Variants in EIF4E observed in about 807,000 individuals in gnomAD.
EIF4E encodes the protein eIF-4F 25 kDa subunit.
For synonymous variants in EIF4E, 71 were observed against 88.5 expected, an observed-to-expected ratio of 0.80 and a Z score of 1.11; for missense variants, 113 against 265.6, an observed-to-expected ratio of 0.43 and a Z score of 3.99.
intron 1 of EIF4E, among the ~76,000 whole-genome samples, chr4:98,917,583 T>TA (rs905020131): frequency 1.3e-5 from 2 of 151,934 alleles, no homozygotes; most frequent in African/African-American, 4.8e-5. Context: ...TTTTCAAAAC[T>TA]AAACAACACA....
chr4:98,914,275 G>C (rs537252774), intron 1 of EIF4E, among the ~76,000 whole-genome samples: 6 of 132,402 alleles, frequency 4.5e-5, no homozygotes, highest in Non-Finnish European at 9.2e-5. Flanking sequence ...AGAATCACTT[G>C]AACCCAGGAG....
chr4:98,911,554 G>A (rs1364487105), intron 1 of EIF4E, among the ~76,000 whole-genome samples: 4 of 149,210 alleles, frequency 2.7e-5, no homozygotes, highest in East Asian at 4.0e-4. Context: ...CCAGCTACTC[G>A]GGAAGCTGAG....
intron 1 of EIF4E, among the ~76,000 whole-genome samples, chr4:98,916,083 C>T (rs111663012): frequency 0.068 from 10,234 of 151,286 alleles, 1,126 homozygotes; most frequent in African/African-American, 0.23. Context: ...CCCAGCTACT[C>T]GAGAGGCTGA....
At chr4:98,924,733 C>G (rs1159827476) in intron 1 of EIF4E, among the ~76,000 whole-genome samples, 1 of 152,122 alleles carries the variant, frequency 6.6e-6, no homozygotes, top group Non-Finnish European at 1.5e-5. Flanking sequence ...GCTGGGATTA[C>G]AGGCGCCTGC....
At chr4:98,881,836 C>T (rs1579144549) in intron 6 of EIF4E, among the ~76,000 whole-genome samples, 1 of 152,144 alleles carries the variant, frequency 6.6e-6, no homozygotes. Context: ...TAAAATGGCA[C>T]TTGTCATGAG....
At chr4:98,890,774 A>T (rs1724113572) in intron 3 of EIF4E, 1 of 167,012 alleles carries the variant, frequency 6.0e-6, no homozygotes, top group Non-Finnish European at 1.3e-5. Flanking sequence ...ATCATGATAG[A>T]TACTGGCATT....
Position 98,898,897 on chromosome 4 carries a change from T to G in EIF4E, c.125+2979A>C, listed in dbSNP as rs78732354. Among the ~76,000 whole-genome samples the G allele has an allele frequency of 4.1e-3, 622 of 151,978 alleles. 4 individuals carry two copies. Among genetic ancestry groups the G allele is most frequent in the African/African-American group, 0.014 (594 of 41,484 alleles). ...AATACTTGAGTACTGCTGATTTAAA[T>G]AAAATATCATACATCCACGCAAGTG... On this transcript the variant is annotated intron_variant, in intron 2 of 6. Coordinates refer to ENST00000450253, the MANE Select transcript of EIF4E (RefSeq NM_001968.5).
intron 5 of EIF4E, among the ~76,000 whole-genome samples, chr4:98,885,517 A>C (rs1052937074): frequency 6.6e-6 from 1 of 152,084 alleles, no homozygotes; most frequent in African/African-American, 2.4e-5. Context: ...GGATCATCAC[A>C]GCTCACTGCA....
In EIF4E at chr4:98,881,496, T is replaced by C. The variant is rs1723691064; in HGVS notation, c.540-354A>G. Among the ~76,000 whole-genome samples the C allele has an allele frequency of 4.6e-5, 7 of 152,132 alleles. 1 individual carries two copies. The highest frequency in any genetic ancestry group is 4.6e-4 in the Admixed American group (7 of 15,260). On this transcript the variant is annotated intron_variant, in intron 6 of 6. Coordinates refer to ENST00000450253, the MANE Select transcript of EIF4E (RefSeq NM_001968.5). ...TGAGCTGACTGCATTTATAGTCTAG[T>C]AGAGAAAACATAATCAAATAATCAC...
chr4:98,921,292 T>C (rs1207278828), intron 1 of EIF4E, among the ~76,000 whole-genome samples: 1 of 152,194 alleles, frequency 6.6e-6, no homozygotes, highest in East Asian at 1.9e-4. Flanking sequence ...TGTGCCAACA[T>C]AGGCTTACTG....
chr4:98,908,076 G>A (rs1724955159), intron 1 of EIF4E, among the ~76,000 whole-genome samples: 2 of 152,130 alleles, frequency 1.3e-5, no homozygotes, highest in African/African-American at 4.8e-5. Flanking sequence ...ATCTGAACAA[G>A]GAGTGGTAAC....
chr4:98,891,404 G>C (rs1724137865), intron 2 of EIF4E, 72 bp from the exon 3 acceptor site: 1 of 1,416,392 alleles, frequency 7.1e-7, no homozygotes, highest in Non-Finnish European at 9.8e-7. Flanking sequence ...ATTCACAAAA[G>C]TCAAAAGGTA....
intron 6 of EIF4E, 60 bp from the exon 7 acceptor site, chr4:98,881,202 T>TA: frequency 6.4e-7 from 1 of 1,571,074 alleles, no homozygotes; most frequent in Non-Finnish European, 8.6e-7. Context: ...TCACAAGAAA[T>TA]ACATTTAAAA....
chr4:98,924,329 G>C (rs898133931), intron 1 of EIF4E, among the ~76,000 whole-genome samples: 2 of 151,900 alleles, frequency 1.3e-5, no homozygotes, highest in Non-Finnish European at 2.9e-5. Context: ...TACCCACCTC[G>C]GCCTCCCAAA....
chr4:98,907,868 A>G (rs1368209531), intron 1 of EIF4E, among the ~76,000 whole-genome samples: 2 of 152,210 alleles, frequency 1.3e-5, no homozygotes, highest in Non-Finnish European at 2.9e-5. Flanking sequence ...GAAGTGATCC[A>G]TAACTGTCGG....
chr4:98,912,025 C>T (rs541312852), intron 1 of EIF4E, among the ~76,000 whole-genome samples: 12 of 151,908 alleles, frequency 7.9e-5, no homozygotes, highest in African/African-American at 2.9e-4. Flanking sequence ...GAGGTCGAGG[C>T]GGGCGGATCA....
At chr4:98,883,393 A>ATTTTTTTTTTTTTTT in intron 6 of EIF4E, among the ~76,000 whole-genome samples, 2 of 103,896 alleles carry the variant, frequency 1.9e-5, no homozygotes, top group Non-Finnish European at 3.6e-5. Context: ...TGTAAGTCAA[A>ATTTTTTTTTTTTTTT]TTTTTTTTTT....
At chr4:98,903,161 A>C (rs1468728464) in intron 1 of EIF4E, among the ~76,000 whole-genome samples, 1 of 152,228 alleles carries the variant, frequency 6.6e-6, no homozygotes, top group Admixed American at 6.5e-5. Flanking sequence ...TGTTGTCAAC[A>C]AAAGAAGAGA....
intron 1 of EIF4E, among the ~76,000 whole-genome samples, chr4:98,913,202 C>T (rs1433607919): frequency 7.2e-6 from 1 of 139,786 alleles, no homozygotes; most frequent in Non-Finnish European, 1.6e-5. Context: ...AGCAAGACTC[C>T]ATCTCAAAAA....
Sources: allele counts gnomAD v4.1 joint callset (sites outside exome capture counted in the v4.1 genomes callset), GRCh38; gene constraint gnomAD v4.1.1; transcripts MANE v1.5; gene names NCBI Gene and HGNC (gene_info 2026-07-23, HGNC 2026-07-21).